Variants in EMSY observed in about 807,000 individuals in gnomAD.
The protein encoded by EMSY is EMSY transcriptional repressor, BRCA2 interacting.
EMSY carries 26 observed loss-of-function variants against 134.6 expected under a neutral mutation model. That is an observed-to-expected ratio of 0.19 (90% CI 0.14 to 0.27). The LOEUF is 0.27. Ranked by LOEUF, EMSY falls within the 10% of genes least tolerant of loss-of-function variation. The pLI, the probability that EMSY is intolerant of heterozygous loss-of-function variation, is 1.00. For synonymous variants in EMSY, 579 were observed against 577.8 expected (o/e 1.00, Z -0.03); for missense variants, 1,305 against 1,611.4 (o/e 0.81, Z 3.26).
rs776663426 is a variant in EMSY at position 76,544,225 on chromosome 11, T to C, written c.2710-34T>C. 16 of 1,545,862 alleles carry C rather than the reference T, an allele frequency of 1.0e-5. No individual in the cohort carries two copies. In the East Asian group the frequency reaches 1.1e-4, roughly 11 times the overall value. On this transcript the variant is annotated intron_variant, in intron 18 of 20. Transcript: ENST00000334736. ...AATGTAGCAATGTAGATGTTTTTCT[T>C]ATTTCATTCTTACTTTGTGCCTTTT...
chr11:76,503,605 T>C (rs950973044), intron 9 of EMSY, among the ~76,000 whole-genome samples: 6 of 152,084 alleles, frequency 3.9e-5, no homozygotes, highest in African/African-American at 1.2e-4. Flanking sequence ...GTATACAAAA[T>C]TAACTCAAAT....
chr11:76,475,206 C>CTAAT (rs1381001175), intron 8 of EMSY, among the ~76,000 whole-genome samples: 1 of 152,210 alleles, frequency 6.6e-6, no homozygotes, highest in East Asian at 1.9e-4. Context: ...TGTATCAACA[C>CTAAT]TAATATAAAT....
intron 14 of EMSY, among the ~76,000 whole-genome samples, chr11:76,529,453 A>G (rs932165439): frequency 6.6e-6 from 1 of 152,178 alleles, no homozygotes; most frequent in Admixed American, 6.5e-5. Flanking sequence ...TAGTCCATTA[A>G]TTCAATTTGA....
At chr11:76,527,769 T>C (rs1263804670) in intron 13 of EMSY, among the ~76,000 whole-genome samples, 1 of 151,714 alleles carries the variant, frequency 6.6e-6, no homozygotes, top group Non-Finnish European at 1.5e-5. Flanking sequence ...TTTGATTTAG[T>C]TTCTAATGAA....
chr11:76,451,829 A>G (rs777723218), intron 2 of EMSY, 29 bp from the exon 3 acceptor site: 1 of 1,472,570 alleles, frequency 6.8e-7, no homozygotes, highest in Non-Finnish European at 9.2e-7. Context: ...TTAAAGGCCT[A>G]TCTTGATAAA....
At chr11:76,466,617 T>C (rs1948362909) in intron 7 of EMSY, among the ~76,000 whole-genome samples, 1 of 152,190 alleles carries the variant, frequency 6.6e-6, no homozygotes, top group Non-Finnish European at 1.5e-5. Flanking sequence ...AAGAACCTCC[T>C]CGAGTTTCTT....
At chr11:76,544,000 C>T (rs1291081797) in intron 18 of EMSY, among the ~76,000 whole-genome samples, 1 of 152,140 alleles carries the variant, frequency 6.6e-6, no homozygotes, top group African/African-American at 2.4e-5. Context: ...CTTGCAGGGC[C>T]ATCTTATTCT....
intron 1 of EMSY, among the ~76,000 whole-genome samples, chr11:76,446,228 C>T (rs975312173): frequency 2.6e-5 from 4 of 151,904 alleles, no homozygotes; most frequent in Non-Finnish European, 5.9e-5. Flanking sequence ...AAGTTCCTGG[C>T]AGCTCAACTG....
At chr11:76,499,889 T>C (rs1311697845) in intron 9 of EMSY, among the ~76,000 whole-genome samples, 1 of 151,956 alleles carries the variant, frequency 6.6e-6, no homozygotes, top group East Asian at 1.9e-4. Flanking sequence ...CCTCTGCCCT[T>C]TTGTAGAGAC....
intron 8 of EMSY, among the ~76,000 whole-genome samples, chr11:76,491,684 C>T (rs1489365959): frequency 2.0e-5 from 3 of 152,258 alleles, no homozygotes; most frequent in East Asian, 3.9e-4. Context: ...GTAGCTCACA[C>T]CGTGGAAGCC....
At chr11:76,449,022 A>G (rs554133126) in intron 2 of EMSY, among the ~76,000 whole-genome samples, 1 of 152,158 alleles carries the variant, frequency 6.6e-6, no homozygotes, top group East Asian at 1.9e-4. Flanking sequence ...TAGCTCCAAC[A>G]CGGGGCTTTA....
exon 9 of EMSY, chr11:76,496,333 G>A (rs2135805885): frequency 6.2e-7 from 1 of 1,614,148 alleles, no homozygotes; most frequent in Non-Finnish European, 8.5e-7. Context: ...AGTCTCCTAA[G>A]CAGCAGTTAT....
rs775507387 is a variant in EMSY at position 76,526,665 on chromosome 11, G to C, written c.1995+30G>C. 7 of 1,525,440 alleles carry C rather than the reference G, an allele frequency of 4.6e-6. No homozygotes were observed. In the South Asian group the frequency reaches 8.8e-5, roughly 19 times the overall value. The allele number at this position is 1,525,440 out of a possible 1,614,324, so 94.5% of individuals were successfully genotyped here. ...GCTATAAGATATGATGATTTTTCTT[G>C]GCTCTTAAATATTTTCAATTCTTAT... On this transcript the variant is annotated intron_variant, in intron 13 of 20. Coordinates refer to ENST00000334736, the Ensembl canonical transcript of EMSY.
intron 5 of EMSY, chr11:76,458,974 G>A (rs1384688306): frequency 6.6e-6 from 1 of 152,136 alleles, no homozygotes; most frequent in Non-Finnish European, 1.5e-5. Flanking sequence ...TAAAAACAAT[G>A]CATTTGTCAG....
chr11:76,489,214 C>T (rs1565309195), intron 8 of EMSY, among the ~76,000 whole-genome samples: 2 of 151,972 alleles, frequency 1.3e-5, no homozygotes, highest in South Asian at 4.1e-4. Context: ...ATGCTGCATT[C>T]GATTATTTAA....
intron 9 of EMSY, among the ~76,000 whole-genome samples, chr11:76,506,666 C>T (rs1950088954): frequency 1.3e-5 from 2 of 152,132 alleles, no homozygotes. Flanking sequence ...GAGATAACAT[C>T]CACCCGCCCC....
chr11:76,521,999 G>C (rs1950655366), intron 11 of EMSY, among the ~76,000 whole-genome samples: 2 of 151,972 alleles, frequency 1.3e-5, no homozygotes, highest in South Asian at 2.1e-4. Context: ...ACTCCCGTCT[G>C]GGTGACACAG....
intron 4 of EMSY, 114 bp from the exon 5 acceptor site, chr11:76,454,635 T>A (rs1467217452): frequency 1.6e-6 from 1 of 610,010 alleles, no homozygotes; most frequent in African/African-American, 1.9e-5. Flanking sequence ...CAAATTAGTA[T>A]TGTAGAAGCA....
chr11:76,539,096 GAAAT>G (rs762018017), intron 16 of EMSY, among the ~76,000 whole-genome samples: 174 of 152,274 alleles, frequency 1.1e-3, no homozygotes, highest in Non-Finnish European at 1.9e-3. Flanking sequence ...CATATATAGA[GAAAT>G]AAAACAAGAT....
Sources: gnomAD v4.1 joint callset for allele counts (sites outside exome capture counted in the v4.1 genomes callset) on GRCh38, gnomAD v4.1.1 for gene constraint, MANE v1.5 for transcripts, NCBI Gene and HGNC (gene_info 2026-07-23, HGNC 2026-07-21) for gene names.